Variants in RBM47 observed in about 807,000 individuals in gnomAD.
RBM47 encodes the protein RNA-binding protein 47.
A neutral mutation model predicts 47.1 loss-of-function variants in RBM47; 21 were observed. The ratio of observed to expected loss-of-function variants is 0.45; its 90% CI spans 0.32 to 0.64. The LOEUF is 0.64. Ranked by LOEUF, RBM47 falls within the 30% of genes least tolerant of loss-of-function variation. RBM47 has a pLI of 0.05. For synonymous variants in RBM47, 375 were observed against 361.7 expected, an observed-to-expected ratio of 1.04 and a Z score of -0.42; for missense variants, 708 against 870.9, an observed-to-expected ratio of 0.81 and a Z score of 2.35.
intron 3 of RBM47, among the ~76,000 whole-genome samples, chr4:40,442,019 A>C (rs1713730899): frequency 6.6e-6 from 1 of 152,168 alleles, no homozygotes; most frequent in Admixed American, 6.5e-5. Context: ...TAGTAACTGT[A>C]GGGGACATTA....
intron 3 of RBM47, among the ~76,000 whole-genome samples, chr4:40,448,111 G>T (rs985944770): frequency 3.3e-5 from 5 of 152,184 alleles, no homozygotes; most frequent in Non-Finnish European, 5.9e-5. Context: ...GTAGAGAATT[G>T]CTTGAACCCG....
chr4:40,519,659 CTTTTTTTTTTTTT>C (rs35250968), intron 2 of RBM47, among the ~76,000 whole-genome samples: 8,187 of 96,338 alleles, frequency 0.085, 917 homozygotes, highest in African/African-American at 0.28. Flanking sequence ...CCCTACCCTC[CTTTTTTTTTTTTT>C]TTTTTTTTTT....
intron 1 of RBM47, among the ~76,000 whole-genome samples, chr4:40,621,297 A>G (rs1311655724): frequency 6.6e-6 from 1 of 152,224 alleles, no homozygotes; most frequent in Non-Finnish European, 1.5e-5. Context: ...CTGTGCCTCC[A>G]AAGGCCACGA....
At chr4:40,591,063 A>G (rs1734092683) in intron 1 of RBM47, among the ~76,000 whole-genome samples, 1 of 152,134 alleles carries the variant, frequency 6.6e-6, no homozygotes, top group Admixed American at 6.6e-5. Context: ...TCGGCCTCCC[A>G]AAGTGCTAGG....
At chr4:40,463,977 T>C (rs1181118554) in intron 3 of RBM47, among the ~76,000 whole-genome samples, 1 of 152,118 alleles carries the variant, frequency 6.6e-6, no homozygotes, top group Non-Finnish European at 1.5e-5. Context: ...AGCTTTACAG[T>C]GTTCATTAGT....
intron 1 of RBM47, among the ~76,000 whole-genome samples, chr4:40,598,918 T>C (rs1273888696): frequency 1.3e-5 from 2 of 150,490 alleles, no homozygotes; most frequent in Non-Finnish European, 2.9e-5. Context: ...TTGACTTCAA[T>C]AAATAATTAG....
intron 6 of RBM47, among the ~76,000 whole-genome samples, chr4:40,431,038 C>T (rs7672178): frequency 6.6e-6 from 1 of 151,988 alleles, no homozygotes; most frequent in Non-Finnish European, 1.5e-5. Flanking sequence ...GAGCCATGCA[C>T]TCCAGCCTGG....
At chr4:40,437,171 T>TATATAAAA in intron 4 of RBM47, among the ~76,000 whole-genome samples, 1 of 92,340 alleles carries the variant, frequency 1.1e-5, no homozygotes, top group Admixed American at 1.3e-4. Flanking sequence ...TATATATATA[T>TATATAAAA]AATACATATA....
intron 3 of RBM47, among the ~76,000 whole-genome samples, chr4:40,449,686 CTTTA>C (rs1715106784): frequency 6.6e-6 from 1 of 152,070 alleles, no homozygotes; most frequent in South Asian, 2.1e-4. Flanking sequence ...ATCTTGTTCC[CTTTA>C]TTTATTTAGA....
In RBM47 at chr4:40,424,551, G is replaced by A. The variant is rs1714763964; in HGVS notation, c.*1353C>T. 6.6e-6 allele frequency: 1 copy of A among 152,176 alleles called. No individual in the cohort carries two copies. The highest frequency in any genetic ancestry group is 6.5e-5 in the Admixed American group (1 of 15,272). The allele number at this position is 152,176 out of a possible 1,614,324, so 9.4% of individuals were successfully genotyped here. A position where few individuals can be genotyped will look rare whatever the true frequency, so the allele number is the denominator to read the frequency against. ...TCCAACATAAAAGGACTAAAAACAA[G>A]CATTAGAAGATATTTACAAACTATC... On this transcript the variant is annotated 3_prime_UTR_variant, in exon 7 of 7. Transcript: ENST00000295971.
chr4:40,619,515 A>G (rs1737059703), intron 1 of RBM47, among the ~76,000 whole-genome samples: 1 of 152,170 alleles, frequency 6.6e-6, no homozygotes, highest in Non-Finnish European at 1.5e-5. Context: ...TCTGAGTCTC[A>G]GTAATCCCCA....
intron 1 of RBM47, among the ~76,000 whole-genome samples, chr4:40,550,192 A>G (rs1729430667): frequency 6.6e-6 from 1 of 151,946 alleles, no homozygotes; most frequent in East Asian, 1.9e-4. Context: ...AAGACCATAA[A>G]TTTTGTGCAT....
At chr4:40,500,316 C>G (rs565542335) in intron 2 of RBM47, among the ~76,000 whole-genome samples, 14 of 150,546 alleles carry the variant, frequency 9.3e-5, no homozygotes, top group East Asian at 2.0e-4. Context: ...TTCGTCCCCC[C>G]CCAAAAAAAA....
chr4:40,583,831 C>A (rs1733249866), intron 1 of RBM47, among the ~76,000 whole-genome samples: 1 of 148,374 alleles, frequency 6.7e-6, no homozygotes. Flanking sequence ...GCACTCCAGC[C>A]TGGGCGAGAG....
chr4:40,568,842 G>A (rs1041830446), intron 1 of RBM47, among the ~76,000 whole-genome samples: 6 of 151,768 alleles, frequency 4.0e-5, no homozygotes, highest in African/African-American at 1.5e-4. Context: ...TTAACTGGGC[G>A]TGCTGATGGG....
intron 2 of RBM47, among the ~76,000 whole-genome samples, chr4:40,518,949 C>G (rs1330424019): frequency 2.0e-5 from 3 of 152,074 alleles, no homozygotes; most frequent in Admixed American, 2.0e-4. Context: ...AGTCCCAGCA[C>G]TCTGGGAGTC....
chr4:40,576,836 T>A (rs1732385193), intron 1 of RBM47, among the ~76,000 whole-genome samples: 1 of 152,018 alleles, frequency 6.6e-6, no homozygotes, highest in Non-Finnish European at 1.5e-5. Context: ...TTATCTCATA[T>A]AATATTCACA....
At position 40,479,351 on chromosome 4, in the gene RBM47, C is replaced by T. The variant is rs187884898; in HGVS notation, c.-154-12652G>A. Among the ~76,000 whole-genome samples the T allele has an allele frequency of 6.2e-3, 950 of 152,134 alleles. 7 individuals carry two copies. Among genetic ancestry groups the T allele is most frequent in the African/African-American group, 0.022 (911 of 41,504 alleles). ...GATACAGTGGCTCATGCCTATAATC[C>T]CAGCACTTTGGGAGGCCAGGACAGG... On this transcript the variant is annotated intron_variant, in intron 2 of 6. Transcript: ENST00000295971.
At chr4:40,538,732 G>C (rs924224757) in intron 2 of RBM47, among the ~76,000 whole-genome samples, 6 of 152,054 alleles carry the variant, frequency 3.9e-5, no homozygotes, top group Admixed American at 6.6e-5. Flanking sequence ...TGCCTCCTGG[G>C]TTCAAGTGAT....
Sources: gnomAD v4.1 joint callset for allele counts (sites outside exome capture counted in the v4.1 genomes callset) on GRCh38, gnomAD v4.1.1 for gene constraint, MANE v1.5 for transcripts, NCBI Gene and HGNC (gene_info 2026-07-23, HGNC 2026-07-21) for gene names.